Variants in FIGN observed in about 807,000 individuals in gnomAD.
FIGN encodes fidgetin, microtubule severing factor.
Under a neutral mutation model 51.3 loss-of-function variants are expected in FIGN, and 11 were observed. The ratio of observed to expected loss-of-function variants is 0.21; its 90% CI spans 0.13 to 0.35. The LOEUF is 0.35. FIGN is among the 10% of genes least tolerant of loss of function. The pLI, the probability that FIGN is intolerant of heterozygous loss-of-function variation, is 1.00. For missense variants in FIGN, 857 were observed against 943.6 expected (o/e 0.91, Z 1.20); for synonymous variants, 407 against 363.2 (o/e 1.12, Z -1.37).
At chr2:163,651,395 G>T (rs1683473354) in intron 2 of FIGN, among the ~76,000 whole-genome samples, 1 of 152,188 alleles carries the variant, frequency 6.6e-6, no homozygotes, top group African/African-American at 2.4e-5. Flanking sequence ...CTGGGAGGTT[G>T]CAGTGAGCCG....
chr2:163,609,908 T>G lies in FIGN; in HGVS notation c.1924A>C (p.Arg642=). ...ATTAAAAGTCGTTTCATGAAGTACC[T>G]CCGAAGGGATTCATCTATTTCTTCT... ...KPEEIDESLR[R]YFMKRLLIPL... The change falls in exon 3 of 3, where the codon AGG becomes CGG. Residue 642 remains arginine, a synonymous_variant. Coordinates refer to ENST00000333129, the MANE Select transcript of FIGN (RefSeq NM_018086.4). The G allele has an allele frequency of 6.2e-7, 1 of 1,614,116 alleles. No homozygotes were observed. Among genetic ancestry groups the G allele is most frequent in the Non-Finnish European group, 8.5e-7 (1 of 1,180,028 alleles).
chr2:163,648,286 T>G (rs1277243701), intron 2 of FIGN, among the ~76,000 whole-genome samples: 7 of 152,096 alleles, frequency 4.6e-5, no homozygotes, highest in African/African-American at 1.7e-4. Context: ...TGGGCCCCCA[T>G]CCCAACTCCC....
Position 163,611,156 on chromosome 2 carries a change from G to T in FIGN, c.676C>A (p.Pro226Thr), listed in dbSNP as rs1691246648. The T allele has an allele frequency of 3.1e-6, 5 of 1,614,132 alleles. No homozygotes were observed. The highest frequency in any genetic ancestry group is 3.4e-6 in the Non-Finnish European group (4 of 1,180,020). The change falls in exon 3 of 3, where the codon CCT becomes ACT. Residue 226 changes from proline to threonine, a missense_variant. Physicochemically the swap from Pro to Thr is conservative, Grantham distance 38. Coordinates refer to ENST00000333129, the MANE Select transcript of FIGN (RefSeq NM_018086.4). ...SSGLLQPPPP[P>T]PPPPALVPGY... The stretch of plus-strand genomic sequence containing the variant: ...GGGACCAAGGCTGGTGGCGGAGGAG[G>T]TGGTGGTGGGGGCTGTAGTAGCCCA...
chr2:163,666,344 T>C (rs1683773099), intron 2 of FIGN, among the ~76,000 whole-genome samples: 1 of 152,122 alleles, frequency 6.6e-6, no homozygotes, highest in Non-Finnish European at 1.5e-5. Context: ...GATTATACAT[T>C]GACAGGGCAA....
chr2:163,617,302 A>G (rs1682894461), intron 2 of FIGN: 1 of 892,974 alleles, frequency 1.1e-6, no homozygotes, highest in Non-Finnish European at 1.3e-6. Context: ...GCTGAATGTA[A>G]CAGAGGGGCT....
chr2:163,701,740 T>A (rs564651833), intron 2 of FIGN, among the ~76,000 whole-genome samples: 6 of 152,294 alleles, frequency 3.9e-5, no homozygotes, highest in South Asian at 2.1e-4. Context: ...CTGCCTTAAT[T>A]ATTGTTACAA....
intron 2 of FIGN, among the ~76,000 whole-genome samples, chr2:163,683,790 A>T (rs915734455): frequency 6.6e-6 from 1 of 152,210 alleles, no homozygotes; most frequent in Non-Finnish European, 1.5e-5. Flanking sequence ...AGAACCACTG[A>T]AATAGAAGGG....
At chr2:163,669,754 C>T (rs1683845676) in intron 2 of FIGN, among the ~76,000 whole-genome samples, 1 of 152,080 alleles carries the variant, frequency 6.6e-6, no homozygotes. Context: ...AAACAAACTC[C>T]CAAAGAAATG....
At chr2:163,623,102 G>A (rs1682999887) in intron 2 of FIGN, among the ~76,000 whole-genome samples, 1 of 152,142 alleles carries the variant, frequency 6.6e-6, no homozygotes, top group Non-Finnish European at 1.5e-5. Flanking sequence ...ATGTGCATAT[G>A]TAAGCTTATG....
At chr2:163,663,729 A>G (rs1258596930) in intron 2 of FIGN, among the ~76,000 whole-genome samples, 1 of 151,826 alleles carries the variant, frequency 6.6e-6, no homozygotes, top group Non-Finnish European at 1.5e-5. Flanking sequence ...CTAAAAATAC[A>G]AAATTAGTTG....
intron 2 of FIGN, among the ~76,000 whole-genome samples, chr2:163,655,688 A>T (rs1683547740): frequency 6.6e-6 from 1 of 152,018 alleles, no homozygotes; most frequent in African/African-American, 2.4e-5. Context: ...CATATATCTT[A>T]GTTTCTAAGA....
chr2:163,721,567 G>A (rs541835666), intron 2 of FIGN, among the ~76,000 whole-genome samples: 1 of 152,064 alleles, frequency 6.6e-6, no homozygotes, highest in South Asian at 2.1e-4. Context: ...TGCTGAAGAT[G>A]CAGTGTTTTT....
intron 2 of FIGN, chr2:163,617,015 T>C (rs1382586985): frequency 1.3e-6 from 1 of 742,890 alleles, no homozygotes; most frequent in Non-Finnish European, 1.6e-6. Flanking sequence ...ATGGGAGTGA[T>C]GACCAAATGA....
chr2:163,642,256 A>C (rs1683316921), intron 2 of FIGN, among the ~76,000 whole-genome samples: 1 of 152,188 alleles, frequency 6.6e-6, no homozygotes, highest in Non-Finnish European at 1.5e-5. Context: ...GATGCTAACC[A>C]CTAGCACCCT....
At chr2:163,700,784 G>C (rs1195196389) in intron 2 of FIGN, among the ~76,000 whole-genome samples, 1 of 152,148 alleles carries the variant, frequency 6.6e-6, no homozygotes, top group Non-Finnish European at 1.5e-5. Context: ...TAAAACTACT[G>C]ATGGCTTTTC....
intron 2 of FIGN, among the ~76,000 whole-genome samples, chr2:163,656,457 G>A (rs1354481230): frequency 1.3e-5 from 2 of 152,116 alleles, no homozygotes; most frequent in Non-Finnish European, 2.9e-5. Context: ...AGAACGTCTA[G>A]GTTCTGGAAC....
In FIGN at chr2:163,608,460, A is replaced by C. The variant is rs192578170; in HGVS notation, c.*1092T>G. 61 of 153,068 alleles carry C rather than the reference A, an allele frequency of 4.0e-4. No homozygotes were observed. The highest frequency in any genetic ancestry group is 2.7e-3 in the Admixed American group (42 of 15,296). 9.5% of individuals were successfully genotyped at this position (153,068 alleles called of 1,614,324 possible). On this transcript the variant is annotated 3_prime_UTR_variant, in exon 3 of 3. Coordinates refer to ENST00000333129, the MANE Select transcript of FIGN (RefSeq NM_018086.4). ...ACCACCATCACCACCACTACCACCTATGCAATAAAAAGGCAGTCATAGTTT... is the reference window on the plus strand; with the variant it reads ...ACCACCATCACCACCACTACCACCTCTGCAATAAAAAGGCAGTCATAGTTT...
At chr2:163,676,308 T>C (rs894302537) in intron 2 of FIGN, among the ~76,000 whole-genome samples, 4 of 151,210 alleles carry the variant, frequency 2.6e-5, no homozygotes, top group Non-Finnish European at 4.4e-5. Context: ...ATTAGAGTTC[T>C]TCTATAAAAA....
At chr2:163,729,908 C>A (rs1684898653) in intron 2 of FIGN, among the ~76,000 whole-genome samples, 1 of 152,166 alleles carries the variant, frequency 6.6e-6, no homozygotes, top group Non-Finnish European at 1.5e-5. Flanking sequence ...AATAACAAGA[C>A]AACAAGCAGA....
Sources: gnomAD v4.1 joint callset for allele counts (sites outside exome capture counted in the v4.1 genomes callset) on GRCh38, gnomAD v4.1.1 for gene constraint, MANE v1.5 for transcripts, NCBI Gene and HGNC (gene_info 2026-07-23, HGNC 2026-07-21) for gene names.